STAU1: variants seen among roughly 807,000 people sequenced by gnomAD.
The protein encoded by STAU1 is staufen double-stranded RNA binding protein 1, also known as double-stranded RNA-binding protein Staufen homolog 1.
STAU1 carries 13 observed loss-of-function variants against 62.9 expected under a neutral mutation model. The observed-to-expected ratio is 0.21, with a 90% confidence interval of 0.13 to 0.33. The LOEUF (loss-of-function observed/expected upper bound fraction) is 0.33. Among genes scored for constraint, STAU1 ranks in the 10% least tolerant of loss-of-function variants. The pLI is 1.00. For synonymous variants in STAU1, 269 were observed against 265.1 expected (o/e 1.01, Z -0.14); for missense variants, 571 against 712.1 (o/e 0.80, Z 2.25).
chr20:49,181,563 G>C (rs1050133517), intron 1 of STAU1, among the ~76,000 whole-genome samples: 1 of 151,826 alleles, frequency 6.6e-6, no homozygotes, highest in African/African-American at 2.4e-5. Context: ...TCAGGAGTTC[G>C]AGACCAGCCT....
chr20:49,125,255 A>G (rs2092581452), intron 6 of STAU1, among the ~76,000 whole-genome samples: 1 of 142,132 alleles, frequency 7.0e-6, no homozygotes, highest in South Asian at 2.3e-4. Context: ...TGGGCTGGAC[A>G]TGGTGGCTCA....
chr20:49,217,376 A>G, the STAU1 span, among the ~76,000 whole-genome samples: 81 of 152,064 alleles, frequency 5.3e-4, no homozygotes, highest in Non-Finnish European at 9.4e-4. Context: ...TACATGAGTC[A>G]GGTATAGAAG....
At chr20:49,163,500 G>C (rs2093481598) in intron 3 of STAU1, among the ~76,000 whole-genome samples, 1 of 130,826 alleles carries the variant, frequency 7.6e-6, no homozygotes, top group Non-Finnish European at 1.5e-5. Context: ...ATCTTGGCTT[G>C]CTGCAGCCTC....
intron 1 of STAU1, among the ~76,000 whole-genome samples, chr20:49,174,545 C>T (rs2093635266): frequency 6.6e-6 from 1 of 151,458 alleles, no homozygotes; most frequent in South Asian, 2.1e-4. Flanking sequence ...CATGATGAAA[C>T]CCCATCTCTA....
intron 3 of STAU1, chr20:49,159,090 A>G: frequency 8.3e-7 from 1 of 1,198,478 alleles, no homozygotes; most frequent in Non-Finnish European, 1.1e-6. Context: ...GCAACGCAGT[A>G]CAATCCCTGG....
chr20:49,213,937 G>A, the STAU1 span, among the ~76,000 whole-genome samples: 1 of 152,216 alleles, frequency 6.6e-6, no homozygotes, highest in Non-Finnish European at 1.5e-5. Flanking sequence ...CCATGGCCAG[G>A]TGGGTGGCTC....
intron 2 of STAU1, 75 bp from the exon 3 acceptor site, chr20:49,166,360 A>T: frequency 1.6e-6 from 1 of 636,356 alleles, no homozygotes; most frequent in Non-Finnish European, 2.7e-6. Flanking sequence ...TTCAGTCAAA[A>T]TGGTGTCACC....
chr20:49,181,072 C>T (rs996730141), intron 1 of STAU1, among the ~76,000 whole-genome samples: 3 of 152,136 alleles, frequency 2.0e-5, no homozygotes, highest in African/African-American at 2.4e-5. Flanking sequence ...CCCTCGGAAG[C>T]GCATCAGCAT....
At chr20:49,122,358 G>A (rs1192432320) in intron 8 of STAU1, among the ~76,000 whole-genome samples, 1 of 151,958 alleles carries the variant, frequency 6.6e-6, no homozygotes, top group Non-Finnish European at 1.5e-5. Context: ...TTTACCTTTG[G>A]TAAAGAGCAA....
In STAU1 at chr20:49,182,736, G is replaced by C. The variant is rs371409849; in HGVS notation, c.-160+5380C>G. On this transcript the variant is annotated intron_variant, in intron 1 of 13. Transcript: ENST00000371856. ...CACCTGTAGTCCCAGCTACTCGAGAGGCTGAGGCAGGAGAATGGCATGAAC... is the reference window on the plus strand; with the variant it reads ...CACCTGTAGTCCCAGCTACTCGAGACGCTGAGGCAGGAGAATGGCATGAAC... Among the ~76,000 whole-genome samples the C allele has an allele frequency of 9.9e-5, 15 of 152,046 alleles. 1 individual carries two copies. Among genetic ancestry groups the C allele is most frequent in the South Asian group, 8.3e-4 (4 of 4,814 alleles).
the STAU1 span, among the ~76,000 whole-genome samples, chr20:49,199,518 C>A: frequency 6.6e-6 from 1 of 151,374 alleles, no homozygotes; most frequent in Non-Finnish European, 1.5e-5. Context: ...CCTGAGCCAC[C>A]GCGCCCGGCC....
chr20:49,200,638 T>C, the STAU1 span, among the ~76,000 whole-genome samples: 1 of 151,370 alleles, frequency 6.6e-6, no homozygotes, highest in East Asian at 1.9e-4. Context: ...GCTGTGTCCA[T>C]GAAACAACAT....
chr20:49,200,650 G>A, the STAU1 span, among the ~76,000 whole-genome samples: 1 of 151,736 alleles, frequency 6.6e-6, no homozygotes, highest in South Asian at 2.1e-4. Context: ...AAACAACATG[G>A]ATAAGCTTTA....
chr20:49,208,905 AGCCACTGC>A, the STAU1 span, among the ~76,000 whole-genome samples: 1 of 151,238 alleles, frequency 6.6e-6, no homozygotes, highest in Non-Finnish European at 1.5e-5. Context: ...TACAGGCGTG[AGCCACTGC>A]GCCCGGCCGA....
At chr20:49,156,984 C>G (rs866819605) in intron 3 of STAU1, among the ~76,000 whole-genome samples, 2 of 151,742 alleles carry the variant, frequency 1.3e-5, no homozygotes, top group Non-Finnish European at 1.5e-5. Flanking sequence ...TCAAGAAATT[C>G]TCCTGCCTCA....
the STAU1 span, among the ~76,000 whole-genome samples, chr20:49,204,913 G>C: frequency 6.6e-6 from 1 of 151,708 alleles, no homozygotes; most frequent in African/African-American, 2.4e-5. Flanking sequence ...GCCTCCCAAA[G>C]TGTTGGGATT....
chr20:49,210,805 G>A, the STAU1 span, among the ~76,000 whole-genome samples: 1 of 152,040 alleles, frequency 6.6e-6, no homozygotes. Context: ...ATATATTGAA[G>A]TGAATTCACA....
Position 49,117,235 on chromosome 20 carries a change from T to C in STAU1, c.1523A>G (p.Asp508Gly), listed in dbSNP as rs1335459483. The C allele has an allele frequency of 6.2e-7, 1 of 1,614,184 alleles. No homozygotes were observed. The highest frequency in any genetic ancestry group is 2.2e-5 in the East Asian group (1 of 44,880). ...RVQGFQVEYK[D>G]FPKNNKNEFV... ...TTCGTTCTTGTTGTTTTTGGGGAAG[T>C]CTTTGTATTCAACCTAAGGGGGAAA... Residue 508 changes from aspartate to glycine, a missense_variant, in exon 12 of 14, where the codon GAC becomes GGC. This residue lies in a region of STAU1 where 156 missense variants were observed against 194.7 expected (regional missense o/e 0.80). Coordinates refer to ENST00000371856, the MANE Select transcript of STAU1 (RefSeq NM_017453.4). The surrounding 1 kb of genome is among the most constrained non-coding windows in gnomAD (Gnocchi z 4.6).
intron 8 of STAU1, among the ~76,000 whole-genome samples, chr20:49,122,106 A>G (rs906952242): frequency 1.6e-4 from 24 of 152,242 alleles, no homozygotes; most frequent in African/African-American, 5.8e-4. Context: ...CTAAGTTATA[A>G]ATTGCTATAC....
Sources: gnomAD v4.1 joint callset for allele counts (sites outside exome capture counted in the v4.1 genomes callset) on GRCh38, gnomAD v4.1.1 for gene constraint, gnomAD v4.1.1 regional missense constraint, Gnocchi (gnomAD v3.1) non-coding constraint, MANE v1.5 for transcripts, NCBI Gene and HGNC (gene_info 2026-07-23, HGNC 2026-07-21) for gene names.